SCRIB: variants seen among roughly 807,000 people sequenced by gnomAD.
The protein encoded by SCRIB is scribble planar cell polarity protein.
A neutral mutation model predicts 170.0 loss-of-function variants in SCRIB; 72 were observed. That is an observed-to-expected ratio of 0.42 (90% CI 0.35 to 0.52). The LOEUF is 0.52. Among genes scored for constraint, SCRIB ranks in the 20% least tolerant of loss-of-function variants. SCRIB has a pLI of 0.02. For synonymous variants in SCRIB, 1,298 were observed against 1,044.3 expected, an observed-to-expected ratio of 1.24 and a Z score of -4.68; for missense variants, 2,475 against 2,338.5, an observed-to-expected ratio of 1.06 and a Z score of -1.20.
chr8:143,811,153 C>T lies in SCRIB; in HGVS notation c.1099G>A (p.Gly367Arg). ...GGCAAGGCTGGCACTCACCGGTTCC[C>T]CGCCACGTCCAGCACGTGCAGCTCT... The part of the protein sequence containing the change: ...TTELHVLDVA[G>R]NRLQSLPFAL... Residue 367 changes from glycine (G) to arginine (R), a missense_variant, in exon 10 of 37, where the codon GGG becomes AGG. By Grantham distance (125) the Gly-to-Arg change is moderately radical. Around this residue, in one of 3 missense-constraint regions of SCRIB, gnomAD observed 487 missense variants for 558.1 expected, o/e 0.87. Transcript: ENST00000356994. The T allele has an allele frequency of 6.2e-7, 1 of 1,603,458 alleles. No individual in the cohort carries two copies.
At position 143,808,610 on chromosome 8, in the gene SCRIB, T is replaced by C. The variant is rs1202235719; in HGVS notation, c.2114A>G (p.Lys705Arg). 4 of 1,510,006 alleles carry C rather than the reference T, an allele frequency of 2.6e-6. No individual in the cohort carries two copies. The highest frequency in any genetic ancestry group is 3.5e-6 in the Non-Finnish European group (4 of 1,130,460). 93.5% of individuals were successfully genotyped at this position (1,510,006 alleles called of 1,614,324 possible). A position where few individuals can be genotyped will look rare whatever the true frequency, so the allele number is the denominator to read the frequency against. The part of the protein sequence containing the change: ...EGAVVSAPSV[K>R]GVSFDQANNL... Reference sequence around the variant, plus strand: ...GGCAGGGGTGAGGCTGACACCAACCTTGACAGAGGGCGCAGAAACCACGGC... The same window carrying C: ...GGCAGGGGTGAGGCTGACACCAACCCTGACAGAGGGCGCAGAAACCACGGC... The change falls in exon 15 of 37, where the codon AAG (lysine) becomes AGG (arginine). Residue 705 changes from lysine (K) to arginine (R), a missense_variant and splice_region_variant. Lys to Arg is a conservative substitution (Grantham distance 26). Coordinates refer to ENST00000356994, the MANE Select transcript of SCRIB (RefSeq NM_182706.5).
intron 24 of SCRIB, among the ~76,000 whole-genome samples, chr8:143,801,730 G>C (rs1182881390): frequency 6.6e-6 from 1 of 152,184 alleles, no homozygotes; most frequent in East Asian, 1.9e-4. Context: ...CGGGGAAGGG[G>C]AGCTGGATGG....
intron 35 of SCRIB, 32 bp downstream of exon 35, chr8:143,791,634 G>A (rs781860410): frequency 3.8e-6 from 6 of 1,576,830 alleles, no homozygotes; most frequent in Non-Finnish European, 4.4e-6. Context: ...CGGACAGGGT[G>A]GCAGGCATGC....
At position 143,813,834 on chromosome 8, in the gene SCRIB, C is replaced by T. The variant is rs1319716635; in HGVS notation, c.340G>A (p.Gly114Arg). 1.9e-6 allele frequency: 3 copies of T among 1,609,264 alleles called. No individual in the cohort carries two copies. Among genetic ancestry groups the T allele is most frequent in the Non-Finnish European group, 2.5e-6 (3 of 1,177,184 alleles). ...GCCACCCACCTGGAGAGGGGGTTCC[C>T]GCTGAAGTCCGCGATCTCCAGAGCC... is the stretch of plus-strand genomic sequence containing the variant. ...CKALEIADFS[G>R]NPLSRLPDGF... Residue 114 changes from glycine (G) to arginine (R), a missense_variant, in exon 3 of 37, where the codon GGG (glycine) becomes AGG (arginine). Gly to Arg is a moderately radical substitution (Grantham distance 125). Around this residue, in one of 3 missense-constraint regions of SCRIB, gnomAD observed 487 missense variants for 558.1 expected, o/e 0.87. Coordinates refer to ENST00000356994, the MANE Select transcript of SCRIB (RefSeq NM_182706.5).
At position 143,792,365 on chromosome 8, in the gene SCRIB, G is replaced by A. The variant is rs1814728251; in HGVS notation, c.4369C>T (p.Pro1457Ser). The change falls in exon 32 of 37, where the codon CCG becomes TCG. Residue 1457 changes from proline (P) to serine (S), a missense_variant. By Grantham distance (74) the Pro-to-Ser change is moderately conservative (BLOSUM62 -1). This residue lies in a region of SCRIB where 1,966 missense variants were observed against 1,742.9 expected (regional missense o/e 1.13). Coordinates refer to ENST00000356994, the MANE Select transcript of SCRIB (RefSeq NM_182706.5). ...ASPPPLGGGAPVRTAKAERRH... is the reference protein window; with the variant it reads ...ASPPPLGGGASVRTAKAERRH... The stretch of plus-strand genomic sequence containing the variant: ...CGTTCAGCTTTGGCCGTCCGCACCG[G>A]GGCGCCACCTCCCAGGGGTGGGGGG... 3 of 1,529,450 alleles carry A rather than the reference G, an allele frequency of 2.0e-6. No homozygotes were observed. Among genetic ancestry groups the A allele is most frequent in the Non-Finnish European group, 2.6e-6 (3 of 1,143,778 alleles). The allele number at this position is 1,529,450 out of a possible 1,614,324, so 94.7% of individuals were successfully genotyped here.
chr8:143,807,743 C>T, intron 15 of SCRIB, 129 bp from the exon 16 acceptor site: 1 of 762,674 alleles, frequency 1.3e-6, no homozygotes, highest in Non-Finnish European at 2.3e-6. Context: ...ACTGCCCTGG[C>T]ACGGGCGCCT....
chr8:143,814,351 G>C (rs571069930), intron 1 of SCRIB, among the ~76,000 whole-genome samples: 3 of 152,134 alleles, frequency 2.0e-5, no homozygotes, highest in African/African-American at 7.2e-5. Flanking sequence ...CCTCCACTCT[G>C]AGAAGACACC....
At chr8:143,799,700 G>A (rs1255767549) in intron 24 of SCRIB, among the ~76,000 whole-genome samples, 13 of 151,954 alleles carry the variant, frequency 8.6e-5, no homozygotes, top group African/African-American at 1.7e-4. Context: ...GTCAAGGCCC[G>A]ACAGCAAGTG....
At chr8:143,795,183 GA>G in intron 26 of SCRIB, 71 bp from the exon 27 acceptor site, 2 of 1,597,594 alleles carry the variant, frequency 1.3e-6, no homozygotes, top group East Asian at 2.2e-5. Context: ...CAGGGCAGGA[GA>G]GGGGGTCCTG....
Position 143,792,006 on chromosome 8 carries a change from G to C in SCRIB, c.4642C>G (p.Pro1548Ala), listed in dbSNP as rs1554632861. Residue 1548 changes from proline to alanine, a missense_variant, in exon 33 of 37, where the codon CCC becomes GCC. By Grantham distance (27) the Pro-to-Ala change is conservative. Transcript: ENST00000356994. ...EAPSPAPTPS[P>A]TPVEDLGPQT... ...ACCCACAGACCTTCCACAGGGGTGGGCGACGGGGTGGGCGCAGGGGAAGGG... is the reference window on the plus strand; with the variant it reads ...ACCCACAGACCTTCCACAGGGGTGGCCGACGGGGTGGGCGCAGGGGAAGGG... 6.5e-7 allele frequency: 1 copy of C among 1,529,782 alleles called. No individual in the cohort carries two copies. Among genetic ancestry groups the C allele is most frequent in the African/African-American group, 1.4e-5 (1 of 72,706 alleles). The allele number at this position is 1,529,782 out of a possible 1,614,324, so 94.8% of individuals were successfully genotyped here. A position where few individuals can be genotyped will look rare whatever the true frequency, so the allele number is the denominator to read the frequency against.
Position 143,813,782 on chromosome 8 carries a change from T to C in SCRIB, c.356+36A>G, listed in dbSNP as rs370961526. On this transcript the variant is annotated intron_variant, in intron 3 of 36. Transcript: ENST00000356994. ...GACCAGTCCAGGGCTGTGGGACCCA[T>C]AGCCCCTACCGACCCCACCACAGGC... 47 of 1,606,180 alleles carry C rather than the reference T, an allele frequency of 2.9e-5. No homozygotes were observed. The East Asian group carries it at 8.7e-4, about 30-fold the overall frequency.
In SCRIB at chr8:143,791,055, T is replaced by C; in HGVS notation, c.*108A>G. On this transcript the variant is annotated 3_prime_UTR_variant, in exon 37 of 37. Transcript: ENST00000356994. ...TTAGTTAGTCACAGGCCAGAACTCC[T>C]GTGGGGTCTCTTTAAAATGCTAACA... 1.6e-6 allele frequency: 2 copies of C among 1,225,142 alleles called. No individual in the cohort carries two copies. The highest frequency in any genetic ancestry group is 2.1e-6 in the Non-Finnish European group (2 of 955,826). 75.9% of individuals were successfully genotyped at this position (1,225,142 alleles called of 1,614,324 possible). A position where few individuals can be genotyped will look rare whatever the true frequency, so the allele number is the denominator to read the frequency against.
At chr8:143,796,919 G>A (rs1814971722) in intron 24 of SCRIB, among the ~76,000 whole-genome samples, 1 of 152,198 alleles carries the variant, frequency 6.6e-6, no homozygotes, top group Non-Finnish European at 1.5e-5. Flanking sequence ...GCCACTAGGA[G>A]CTCACCCTCT....
At chr8:143,810,408 T>C in intron 13 of SCRIB, 71 bp downstream of exon 13, 1 of 1,572,998 alleles carries the variant, frequency 6.4e-7, no homozygotes, top group Non-Finnish European at 8.6e-7. Flanking sequence ...ACAGCCCCAC[T>C]CCCAGGATGG....
intron 15 of SCRIB, among the ~76,000 whole-genome samples, chr8:143,808,169 C>A (rs781915631): frequency 2.6e-5 from 4 of 152,196 alleles, no homozygotes; most frequent in Admixed American, 6.5e-5. Flanking sequence ...GCCCTGGGAC[C>A]ACGACACATG....
At position 143,791,906 on chromosome 8, in the gene SCRIB, G is replaced by A. The variant is rs1389380249; in HGVS notation, c.4665C>T (p.Gly1555=). The A allele has an allele frequency of 2.0e-6, 3 of 1,516,638 alleles. No individual in the cohort carries two copies. The highest frequency in any genetic ancestry group is 2.7e-6 in the Non-Finnish European group (3 of 1,131,932). The allele number at this position is 1,516,638 out of a possible 1,614,324, so 93.9% of individuals were successfully genotyped here. Reference sequence around the variant, plus strand: ...GTCCCGGGGAGGTGCTGGTCTGGGGGCCGAGGTCTGGGGGGACAAGAAGCG... The same window carrying A: ...GTCCCGGGGAGGTGCTGGTCTGGGGACCGAGGTCTGGGGGGACAAGAAGCG... ...TPSPTPVEDL[G]PQTSTSPGRL... is the part of the protein sequence containing the mutation. Residue 1555 remains glycine (G), a synonymous_variant, in exon 34 of 37, where the codon GGC becomes GGT. Coordinates refer to ENST00000356994, the MANE Select transcript of SCRIB (RefSeq NM_182706.5).
At chr8:143,799,460 C>T (rs1170974910) in intron 24 of SCRIB, among the ~76,000 whole-genome samples, 2 of 152,148 alleles carry the variant, frequency 1.3e-5, no homozygotes, top group Non-Finnish European at 2.9e-5. Context: ...ACAGCAGGGC[C>T]GAGGGGGAGG....
Position 143,803,444 on chromosome 8 carries a change from C to T in SCRIB, c.3542G>A (p.Gly1181Asp). Residue 1181 changes from glycine (G) to aspartate (D), a missense_variant, in exon 24 of 37, where the codon GGC becomes GAC. Around this residue, in one of 3 missense-constraint regions of SCRIB, gnomAD observed 1,966 missense variants for 1,742.9 expected, o/e 1.13. Transcript: ENST00000356994. ...ACAGACCAGCACGGTGAGGGTGTCG[C>T]CCACACTGCGGAGCAGCTGCACCGC... ...GEAVQLLRSV[G>D]DTLTVLVCDG... 2 of 1,597,282 alleles carry T rather than the reference C, an allele frequency of 1.3e-6. No homozygotes were observed. The highest frequency in any genetic ancestry group is 1.7e-6 in the Non-Finnish European group (2 of 1,178,002).
Position 143,815,384 on chromosome 8 carries a change from G to T in SCRIB, c.-12C>A, listed in dbSNP as rs1816034796. On this transcript the variant is annotated 5_prime_UTR_variant, in exon 1 of 37. Transcript: ENST00000356994. ...ATGCACTTGAGCATGGTGCGGGTGG[G>T]CGGCGCGGGCTCCGGCGGCGGCGCT... 1 of 1,329,142 alleles carries T rather than the reference G, an allele frequency of 7.5e-7. No individual in the cohort carries two copies. Among genetic ancestry groups the T allele is most frequent in the Non-Finnish European group, 9.7e-7 (1 of 1,031,874 alleles). 82.3% of individuals were successfully genotyped at this position (1,329,142 alleles called of 1,614,324 possible).
Sources: gnomAD v4.1 joint callset for allele counts (sites outside exome capture counted in the v4.1 genomes callset) on GRCh38, gnomAD v4.1.1 for gene constraint, gnomAD v4.1.1 regional missense constraint, MANE v1.5 for transcripts, NCBI Gene and HGNC (gene_info 2026-07-23, HGNC 2026-07-21) for gene names.